The following TRABD2B variants were observed in gnomAD, a reference collection of about 807,000 sequenced individuals.
TRABD2B encodes the protein metalloprotease TIKI2.
Under a neutral mutation model 40.1 loss-of-function variants are expected in TRABD2B, and 14 were observed. The observed-to-expected ratio is 0.35, with a 90% CI of 0.23 to 0.55. The LOEUF (loss-of-function observed/expected upper bound fraction) is 0.55. Among genes scored for constraint, TRABD2B ranks in the 20% least tolerant of loss-of-function variants. The pLI is 0.90. For synonymous variants in TRABD2B, 263 were observed against 277.0 expected (o/e 0.95, Z 0.50); for missense variants, 541 against 648.6 (o/e 0.83, Z 1.80).
At chr1:47,942,791 G>A (rs762620446) in intron 2 of TRABD2B, among the ~76,000 whole-genome samples, 6 of 152,078 alleles carry the variant, frequency 3.9e-5, no homozygotes, top group African/African-American at 1.4e-4. Flanking sequence ...TTGAAGTAAC[G>A]GAAGCAGAGG....
chr1:47,929,151 C>T (rs1645007299), intron 2 of TRABD2B, among the ~76,000 whole-genome samples: 1 of 152,164 alleles, frequency 6.6e-6, no homozygotes. Context: ...TACATTTTTC[C>T]TGCAGAACTG....
intron 2 of TRABD2B, among the ~76,000 whole-genome samples, chr1:47,954,800 C>T (rs1281211452): frequency 6.6e-6 from 1 of 152,118 alleles, no homozygotes; most frequent in African/African-American, 2.4e-5. Flanking sequence ...CCATGGTGAC[C>T]CTTGCCTTCT....
At chr1:47,914,368 C>G (rs766942060) in intron 2 of TRABD2B, among the ~76,000 whole-genome samples, 16 of 152,242 alleles carry the variant, frequency 1.1e-4, no homozygotes, top group Admixed American at 9.2e-4. Flanking sequence ...TTTCCTCCCC[C>G]TCAGCTATTT....
chr1:47,768,971 A>T (rs921510085), intron 6 of TRABD2B, among the ~76,000 whole-genome samples: 2 of 152,206 alleles, frequency 1.3e-5, no homozygotes, highest in African/African-American at 4.8e-5. Context: ...CTGAATGAAC[A>T]GATGAGCAAA....
In TRABD2B at chr1:47,981,547, A is replaced by G. The variant is rs905966136; in HGVS notation, c.666+12487T>C. Among the ~76,000 whole-genome samples the G allele has an allele frequency of 5.3e-5, 8 of 151,888 alleles. No homozygotes were observed. In the South Asian group the frequency reaches 1.7e-3, roughly 32 times the overall value. The stretch of plus-strand genomic sequence containing the variant: ...TAAAGGGCTCAGAATCATTCCTGGC[A>G]CTCTGCAGTGAGGCACCTCTCTCTC... On this transcript the variant is annotated intron_variant, in intron 2 of 6. Coordinates refer to ENST00000606738, the MANE Select transcript of TRABD2B (RefSeq NM_001194986.2).
chr1:47,924,115 G>A (rs1644940616), intron 2 of TRABD2B, among the ~76,000 whole-genome samples: 2 of 152,180 alleles, frequency 1.3e-5, no homozygotes, highest in East Asian at 1.9e-4. Context: ...TAGGATTCAA[G>A]GGGAAGTTTT....
intron 2 of TRABD2B, among the ~76,000 whole-genome samples, chr1:47,945,185 A>C (rs1267287701): frequency 6.6e-6 from 1 of 152,008 alleles, no homozygotes; most frequent in Non-Finnish European, 1.5e-5. Flanking sequence ...CAGCACTTGG[A>C]GATAGTGAAA....
chr1:47,790,076 C>A (rs777836610), intron 4 of TRABD2B, among the ~76,000 whole-genome samples: 4 of 152,154 alleles, frequency 2.6e-5, no homozygotes, highest in Non-Finnish European at 5.9e-5. Flanking sequence ...AATATTTTAA[C>A]TTCAAACACA....
intron 2 of TRABD2B, among the ~76,000 whole-genome samples, chr1:47,920,412 A>T (rs998902796): frequency 6.6e-6 from 1 of 152,158 alleles, no homozygotes; most frequent in Non-Finnish European, 1.5e-5. Flanking sequence ...AGACCATGTG[A>T]CTCTGAATCA....
At chr1:47,886,845 C>T (rs1262155957) in intron 2 of TRABD2B, among the ~76,000 whole-genome samples, 1 of 152,164 alleles carries the variant, frequency 6.6e-6, no homozygotes, top group Non-Finnish European at 1.5e-5. Context: ...CTGCCTTGGT[C>T]CGGGGCCATT....
rs553968328 is a variant in TRABD2B at position 47,788,779 on chromosome 1, C to T, written c.988+5807G>A. ...CTCAGATTATAGCACGTGCTAGGGA[C>T]GGAGTGTGTGATAACCACTGGTTCT... On this transcript the variant is annotated intron_variant, in intron 4 of 6. Coordinates refer to ENST00000606738, the MANE Select transcript of TRABD2B (RefSeq NM_001194986.2). 8.5e-5 allele frequency among the ~76,000 whole-genome samples: 13 copies of T among 152,266 alleles called. 1 individual carries two copies. The highest frequency in any genetic ancestry group is 1.2e-4 in the Non-Finnish European group (8 of 68,024).
intron 6 of TRABD2B, among the ~76,000 whole-genome samples, chr1:47,770,897 G>T (rs888610481): frequency 6.6e-5 from 10 of 152,222 alleles, no homozygotes; most frequent in Admixed American, 2.0e-4. Flanking sequence ...AACTGTTACC[G>T]AGTGTTACTG....
At chr1:47,989,229 C>A (rs932223392) in intron 2 of TRABD2B, among the ~76,000 whole-genome samples, 19 of 152,178 alleles carry the variant, frequency 1.2e-4, no homozygotes, top group Admixed American at 1.3e-4. Flanking sequence ...GCTGTAGCAG[C>A]CTACATGATA....
chr1:47,812,896 C>T (rs564511969), intron 2 of TRABD2B, among the ~76,000 whole-genome samples: 1 of 152,238 alleles, frequency 6.6e-6, no homozygotes, highest in Admixed American at 6.5e-5. Flanking sequence ...ATGACCCTCT[C>T]TACCTGATCT....
intron 2 of TRABD2B, among the ~76,000 whole-genome samples, chr1:47,967,261 A>C (rs1645616712): frequency 1.3e-5 from 2 of 152,166 alleles, no homozygotes; most frequent in Non-Finnish European, 2.9e-5. Context: ...GCTTAGAGAC[A>C]GCCCTTCAGA....
At chr1:47,995,521 C>T (rs980191650) in intron 1 of TRABD2B, among the ~76,000 whole-genome samples, 3 of 150,826 alleles carry the variant, frequency 2.0e-5, no homozygotes, top group East Asian at 3.9e-4. Context: ...TGTGTGTGTG[C>T]GCGTGTGTGT....
rs186763809 is a variant in TRABD2B at position 47,969,985 on chromosome 1, C to T, written c.666+24049G>A. ...CTCCTTGTTGTTCTGGTCCCTTTTC[C>T]AAAATGTTTGGGGAAGGACCCTATG... is the stretch of plus-strand genomic sequence containing the variant. On this transcript the variant is annotated intron_variant, in intron 2 of 6. Transcript: ENST00000606738. Among the ~76,000 whole-genome samples the T allele has an allele frequency of 5.3e-5, 8 of 152,202 alleles. No individual in the cohort carries two copies. In the East Asian group the frequency reaches 1.4e-3, roughly 26 times the overall value.
intron 2 of TRABD2B, among the ~76,000 whole-genome samples, chr1:47,849,787 C>T (rs1415631060): frequency 1.3e-5 from 2 of 152,214 alleles, no homozygotes; most frequent in African/African-American, 2.4e-5. Flanking sequence ...AACGTGGCTC[C>T]CGCCCAAGGT....
At chr1:47,814,075 A>G (rs766916533) in intron 2 of TRABD2B, among the ~76,000 whole-genome samples, 6 of 152,268 alleles carry the variant, frequency 3.9e-5, no homozygotes, top group Admixed American at 2.6e-4. Flanking sequence ...CTCTGCAGCA[A>G]TCCCCTGTGG....
Sources: gnomAD v4.1 joint callset for allele counts (sites outside exome capture counted in the v4.1 genomes callset) on GRCh38, gnomAD v4.1.1 for gene constraint, MANE v1.5 for transcripts, NCBI Gene and HGNC (gene_info 2026-07-23, HGNC 2026-07-21) for gene names.